Variants in KCNN2 observed in about 807,000 individuals in gnomAD.
KCNN2 encodes potassium calcium-activated channel subfamily N member 2.
In KCNN2, 24 loss-of-function variants were observed where a neutral mutation model predicts 55.5. The observed-to-expected ratio is 0.43, with a 90% CI of 0.31 to 0.61. KCNN2 has a LOEUF of 0.61. Among genes scored for constraint, KCNN2 ranks in the 20% least tolerant of loss-of-function variants. KCNN2 has a pLI of 0.08. For synonymous variants in KCNN2, 431 were observed against 336.1 expected (o/e 1.28, Z -3.09); for missense variants, 754 against 853.6 (o/e 0.88, Z 1.45).
At chr5:114,403,303 C>A (rs1758840217) in intron 2 of KCNN2, among the ~76,000 whole-genome samples, 1 of 152,062 alleles carries the variant, frequency 6.6e-6, no homozygotes, top group African/African-American at 2.4e-5. Context: ...ATAAAGTAGA[C>A]AATCAAGCTG....
At chr5:114,350,383 T>C (rs636198) in intron 2 of KCNN2, among the ~76,000 whole-genome samples, 54,906 of 151,498 alleles carry the variant, frequency 0.36, 11,460 homozygotes, top group East Asian at 0.84. Flanking sequence ...ATCTATGATT[T>C]GTAAATATTT....
At chr5:114,221,777 A>G (rs1754143811) in intron 2 of KCNN2, among the ~76,000 whole-genome samples, 1 of 152,220 alleles carries the variant, frequency 6.6e-6, no homozygotes, top group Non-Finnish European at 1.5e-5. Flanking sequence ...AAAACATAAT[A>G]GGCACACAAA....
intron 1 of KCNN2, among the ~76,000 whole-genome samples, chr5:114,187,217 C>A (rs1161450365): frequency 2.0e-5 from 3 of 151,882 alleles, no homozygotes; most frequent in Middle Eastern, 3.4e-3. Flanking sequence ...CATTGCACCA[C>A]CCCCACCCCA....
intron 3 of KCNN2, among the ~76,000 whole-genome samples, chr5:114,410,609 A>G (rs943405144): frequency 2.6e-5 from 4 of 152,274 alleles, no homozygotes; most frequent in African/African-American, 7.2e-5. Flanking sequence ...TCTGTGTTCA[A>G]TGAAATCTTT....
At chr5:114,267,948 T>C (rs1341110644) in intron 2 of KCNN2, among the ~76,000 whole-genome samples, 1 of 152,164 alleles carries the variant, frequency 6.6e-6, no homozygotes, top group East Asian at 1.9e-4. Flanking sequence ...ATGGCCATTG[T>C]TCCTTTCTGG....
chr5:114,397,628 C>A (rs758748103), intron 2 of KCNN2, among the ~76,000 whole-genome samples: 34 of 152,160 alleles, frequency 2.2e-4, no homozygotes, highest in Non-Finnish European at 4.6e-4. Flanking sequence ...CTCAAGTGAT[C>A]TGCCCCGCCT....
chr5:114,281,068 C>T (rs1755614341), intron 2 of KCNN2, among the ~76,000 whole-genome samples: 1 of 152,146 alleles, frequency 6.6e-6, no homozygotes, highest in East Asian at 1.9e-4. Flanking sequence ...GCTCAAATAC[C>T]TCCTTAGAGA....
intron 2 of KCNN2, among the ~76,000 whole-genome samples, chr5:114,327,735 G>A (rs989899748): frequency 6.6e-6 from 1 of 152,082 alleles, no homozygotes; most frequent in Non-Finnish European, 1.5e-5. Flanking sequence ...TCCTCTTTGG[G>A]ACCAAAGATG....
At chr5:114,389,548 G>A (rs145225542) in intron 2 of KCNN2, among the ~76,000 whole-genome samples, 5 of 152,218 alleles carry the variant, frequency 3.3e-5, no homozygotes, top group Non-Finnish European at 5.9e-5. Flanking sequence ...ACACACAACA[G>A]GCTAGAACAG....
At chr5:114,063,742 C>A (rs1247812603) in intron 1 of KCNN2, among the ~76,000 whole-genome samples, 1 of 152,186 alleles carries the variant, frequency 6.6e-6, no homozygotes, top group Admixed American at 6.5e-5. Flanking sequence ...GATTTTAGCA[C>A]TGAAAGTCTT....
At chr5:114,451,159 A>T (rs1316513702) in intron 3 of KCNN2, among the ~76,000 whole-genome samples, 2 of 152,230 alleles carry the variant, frequency 1.3e-5, no homozygotes, top group African/African-American at 4.8e-5. Context: ...ATAGTGAATA[A>T]TAGAGTTAGA....
At chr5:114,211,202 G>A (rs10463439) in intron 1 of KCNN2, among the ~76,000 whole-genome samples, 110,065 of 152,036 alleles carry the variant, frequency 0.72, 40,005 homozygotes, top group East Asian at 0.87. Flanking sequence ...CAGCAATCCC[G>A]TTACTGAGTA....
chr5:114,106,643 G>GTTTTTTTT (rs149036166), intron 1 of KCNN2, among the ~76,000 whole-genome samples: 17 of 69,930 alleles, frequency 2.4e-4, no homozygotes, highest in African/African-American at 7.0e-4. Flanking sequence ...TTTTCCAGTT[G>GTTTTTTTT]TTTTTTTTTT....
intron 4 of KCNN2, among the ~76,000 whole-genome samples, chr5:114,467,422 A>T (rs896590708): frequency 6.6e-6 from 1 of 152,334 alleles, no homozygotes; most frequent in Admixed American, 6.5e-5. Flanking sequence ...ATTTTTAAAA[A>T]TGTCTTACAC....
chr5:114,112,368 A>G (rs1751617758), intron 1 of KCNN2, among the ~76,000 whole-genome samples: 1 of 152,170 alleles, frequency 6.6e-6, no homozygotes, highest in Non-Finnish European at 1.5e-5. Flanking sequence ...TAAGAGAAAT[A>G]CCTAATGTAA....
At chr5:114,487,681 G>A (rs906686526) in intron 6 of KCNN2, among the ~76,000 whole-genome samples, 1 of 152,016 alleles carries the variant, frequency 6.6e-6, no homozygotes, top group African/African-American at 2.4e-5. Flanking sequence ...CACTATTATG[G>A]TTTAAGTCCT....
intron 2 of KCNN2, among the ~76,000 whole-genome samples, chr5:114,373,562 A>G (rs1314780667): frequency 6.9e-6 from 1 of 145,700 alleles, no homozygotes; most frequent in Non-Finnish European, 1.5e-5. Context: ...AGGTTACTTA[A>G]TCTCTCTGAA....
At chr5:114,175,826 G>T (rs574794938) in intron 1 of KCNN2, among the ~76,000 whole-genome samples, 28 of 152,184 alleles carry the variant, frequency 1.8e-4, no homozygotes, top group African/African-American at 6.0e-4. Flanking sequence ...TTGCCATTTT[G>T]CCAGAGTTAT....
chr5:114,134,985 C>A (rs1291524049), intron 1 of KCNN2, among the ~76,000 whole-genome samples: 1 of 152,140 alleles, frequency 6.6e-6, no homozygotes, highest in African/African-American at 2.4e-5. Flanking sequence ...ACATACCTCC[C>A]AAATTACTTT....
Sources: gnomAD v4.1 joint callset for allele counts (sites outside exome capture counted in the v4.1 genomes callset) on GRCh38, gnomAD v4.1.1 for gene constraint, MANE v1.5 for transcripts, NCBI Gene and HGNC (gene_info 2026-07-23, HGNC 2026-07-21) for gene names.